The following CPS1 variants were observed in gnomAD, a reference collection of about 807,000 sequenced individuals.
The protein encoded by CPS1 is carbamoyl-phosphate synthase [ammonia], mitochondrial.
A neutral mutation model predicts 174.6 loss-of-function variants in CPS1; 109 were observed. The observed-to-expected ratio is 0.62, with a 90% CI of 0.53 to 0.73. The LOEUF (loss-of-function observed/expected upper bound fraction) is 0.73. Among genes scored for constraint, CPS1 ranks in the 30% least tolerant of loss-of-function variants. CPS1 has a pLI of 0.00. For missense variants in CPS1, 1,689 were observed against 1,821.9 expected (o/e 0.93, Z 1.33); for synonymous variants, 637 against 632.0 (o/e 1.01, Z -0.12).
At chr2:210,640,857 T>C (rs1047561498) in intron 24 of CPS1, among the ~76,000 whole-genome samples, 1 of 152,226 alleles carries the variant, frequency 6.6e-6, no homozygotes. Context: ...ATGTTATATC[T>C]TTACCACCTT....
intron 1 of CPS1, among the ~76,000 whole-genome samples, chr2:210,502,992 C>A (rs1047559124): frequency 1.3e-5 from 2 of 152,148 alleles, no homozygotes; most frequent in African/African-American, 4.8e-5. Flanking sequence ...AAGACCCAGG[C>A]ACTGACCTAA....
Position 210,675,719 on chromosome 2 carries a change from T to TA in CPS1, c.4162-6dup. On this transcript the variant is annotated splice_polypyrimidine_tract_variant and intron_variant, in intron 35 of 37. Transcript: ENST00000233072. The stretch of plus-strand genomic sequence containing the variant: ...GATACGGTAATTGATTTTTTCATTT[T>TA]AAATGCAGCTGTTTGCCACGGAAGC... The TA allele has an allele frequency of 7.2e-7, 1 of 1,393,692 alleles. No homozygotes were observed. Among genetic ancestry groups the TA allele is most frequent in the Non-Finnish European group, 1.0e-6 (1 of 978,782 alleles). The allele number at this position is 1,393,692 out of a possible 1,614,324, so 86.3% of individuals were successfully genotyped here.
At chr2:210,521,360 A>C (rs1695821596) in intron 1 of CPS1, among the ~76,000 whole-genome samples, 1 of 150,672 alleles carries the variant, frequency 6.6e-6, no homozygotes, top group African/African-American at 2.4e-5. Context: ...TCTCTTTATT[A>C]ATGGTTTTGG....
At chr2:210,534,624 T>G (rs1285719753) in intron 1 of CPS1, among the ~76,000 whole-genome samples, 1 of 152,184 alleles carries the variant, frequency 6.6e-6, no homozygotes, top group Admixed American at 6.5e-5. Flanking sequence ...GATGAGACAT[T>G]GTAATGGGTT....
intron 21 of CPS1, among the ~76,000 whole-genome samples, chr2:210,620,740 A>G (rs1409717584): frequency 6.6e-6 from 1 of 152,010 alleles, no homozygotes; most frequent in Non-Finnish European, 1.5e-5. Flanking sequence ...TTGCCAGGAG[A>G]GCACCAGGGG....
chr2:210,583,130 G>A (rs1453699484), intron 6 of CPS1, among the ~76,000 whole-genome samples: 1 of 152,080 alleles, frequency 6.6e-6, no homozygotes, highest in Non-Finnish European at 1.5e-5. Context: ...GGCATTTTGT[G>A]CAGGAAAAAT....
intron 16 of CPS1, 179 bp from the exon 17 acceptor site, chr2:210,604,923 G>A: frequency 1.6e-6 from 1 of 641,342 alleles, no homozygotes; most frequent in East Asian, 2.8e-5. Context: ...ACTGCAGGAT[G>A]CTATTCCTAG....
intron 1 of CPS1, among the ~76,000 whole-genome samples, chr2:210,563,249 T>C (rs1697163821): frequency 6.6e-6 from 1 of 152,194 alleles, no homozygotes; most frequent in South Asian, 2.1e-4. Context: ...ATTTACATAC[T>C]GAATGTTATG....
chr2:210,593,163 C>A (rs1321464784), intron 11 of CPS1, among the ~76,000 whole-genome samples: 2 of 151,844 alleles, frequency 1.3e-5, no homozygotes, highest in African/African-American at 4.8e-5. Flanking sequence ...AGTGGGAAAG[C>A]CCTTAAGAAA....
intron 33 of CPS1, among the ~76,000 whole-genome samples, chr2:210,665,093 A>G (rs897599032): frequency 1.3e-5 from 2 of 152,178 alleles, no homozygotes; most frequent in South Asian, 2.1e-4. Context: ...CTATGATGGG[A>G]TTACCCAATT....
chr2:210,549,838 C>A (rs978668742), intron 1 of CPS1, among the ~76,000 whole-genome samples: 2 of 152,072 alleles, frequency 1.3e-5, no homozygotes, highest in Non-Finnish European at 2.9e-5. Flanking sequence ...ATGTCTGATA[C>A]ATAGAAACTA....
chr2:210,660,452 TC>T, intron 31 of CPS1, 32 bp from the exon 32 acceptor site: 1 of 1,603,782 alleles, frequency 6.2e-7, no homozygotes, highest in African/African-American at 1.3e-5. Flanking sequence ...GCTCTCAATG[TC>T]CTCTTTCTCA....
intron 1 of CPS1, among the ~76,000 whole-genome samples, chr2:210,524,441 G>T (rs1297614777): frequency 1.3e-5 from 2 of 151,996 alleles, no homozygotes; most frequent in Non-Finnish European, 2.9e-5. Context: ...ATTAGTCAAA[G>T]TTCCTGTCTC....
Position 210,642,554 on chromosome 2 carries a change from G to A in CPS1, c.3030G>A (p.Thr1010=), listed in dbSNP as rs372027160. ...CACTGCGTCAACTTGGCAAGAAGAC[G>A]GTGGTGGTGAATTGCAATCCTGAGA... ...IRTLRQLGKK[T]VVVNCNPETV... is the part of the protein sequence containing the mutation. Residue 1010 remains threonine (T), a synonymous_variant, in exon 25 of 38, where the codon ACG becomes ACA. Coordinates refer to ENST00000233072, the MANE Select transcript of CPS1 (RefSeq NM_001875.5). The A allele has an allele frequency of 9.3e-6, 15 of 1,613,908 alleles. No homozygotes were observed. The South Asian group carries it at 1.2e-4, about 13-fold the overall frequency.
chr2:210,513,188 C>T (rs1189394015), intron 1 of CPS1, among the ~76,000 whole-genome samples: 1 of 148,134 alleles, frequency 6.8e-6, no homozygotes, highest in African/African-American at 2.5e-5. Context: ...ATATATCTCT[C>T]TCTCTCCATA....
At chr2:210,546,163 C>G (rs1696559876) in intron 1 of CPS1, among the ~76,000 whole-genome samples, 1 of 151,950 alleles carries the variant, frequency 6.6e-6, no homozygotes, top group Admixed American at 6.6e-5. Flanking sequence ...TATTTTTATT[C>G]TCGGATCTAG....
chr2:210,497,080 A>G (rs748298055), intron 1 of CPS1, among the ~76,000 whole-genome samples: 3 of 152,150 alleles, frequency 2.0e-5, no homozygotes, highest in Non-Finnish European at 4.4e-5. Context: ...TGTAAGATCT[A>G]ATTAAGGGGT....
chr2:210,525,768 G>C (rs570314663), intron 1 of CPS1, among the ~76,000 whole-genome samples: 2 of 151,022 alleles, frequency 1.3e-5, no homozygotes, highest in South Asian at 4.2e-4. Context: ...TTAATATACA[G>C]GTGGAGTAGG....
intron 24 of CPS1, among the ~76,000 whole-genome samples, 166 bp downstream of exon 24, chr2:210,640,225 C>G (rs978407884): frequency 6.6e-6 from 1 of 152,098 alleles, no homozygotes; most frequent in African/African-American, 2.4e-5. Flanking sequence ...ATATATACAG[C>G]TATTTAGTGG....
Sources: gnomAD v4.1 joint callset for allele counts (sites outside exome capture counted in the v4.1 genomes callset) on GRCh38, gnomAD v4.1.1 for gene constraint, MANE v1.5 for transcripts, NCBI Gene and HGNC (gene_info 2026-07-23, HGNC 2026-07-21) for gene names.